The following NEGR1 variants were observed in gnomAD, a reference collection of about 807,000 sequenced individuals.
The protein encoded by NEGR1 is neuronal growth regulator 1.
In NEGR1, 10 loss-of-function variants were observed where a neutral mutation model predicts 40.9. That is an observed-to-expected ratio of 0.24 (90% CI 0.15 to 0.42). NEGR1 has a LOEUF of 0.42. NEGR1 is among the 10% of genes least tolerant of loss of function. The probability of loss-of-function intolerance (pLI) is 1.00; values close to 1 mark genes in which losing one functional copy is unlikely to be tolerated. For synonymous variants in NEGR1, 185 were observed against 166.8 expected, an observed-to-expected ratio of 1.11 and a Z score of -0.84; for missense variants, 352 against 438.9, an observed-to-expected ratio of 0.80 and a Z score of 1.77.
intron 2 of NEGR1, among the ~76,000 whole-genome samples, chr1:71,874,654 C>T (rs1306613099): frequency 1.3e-5 from 2 of 152,100 alleles, no homozygotes; most frequent in Non-Finnish European, 2.9e-5. Flanking sequence ...TTTGCTTTCA[C>T]TGAAGTGGGT....
intron 1 of NEGR1, among the ~76,000 whole-genome samples, chr1:72,157,034 C>T (rs1433995614): frequency 6.6e-6 from 1 of 152,068 alleles, no homozygotes; most frequent in Non-Finnish European, 1.5e-5. Flanking sequence ...ACAATCCTAG[C>T]TCATAAGAGC....
At chr1:71,552,491 A>C (rs998837337) in intron 6 of NEGR1, among the ~76,000 whole-genome samples, 1 of 148,378 alleles carries the variant, frequency 6.7e-6, no homozygotes, top group Non-Finnish European at 1.5e-5. Context: ...ATAATACATT[A>C]GAAGAATATA....
At position 71,793,033 on chromosome 1, in the gene NEGR1, T is replaced by C. The variant is rs926696984; in HGVS notation, c.410-16736A>G. Among the ~76,000 whole-genome samples, 18 of 151,286 alleles carry C rather than the reference T, an allele frequency of 1.2e-4. No individual in the cohort carries two copies. The Middle Eastern group carries it at 0.014, about 114-fold the overall frequency. On this transcript the variant is annotated intron_variant, in intron 2 of 6. Transcript: ENST00000357731. ...GAAGTGATGTGTGCTCTTTCCAGGA[T>C]TGGCTCACATAAACCTCCCAGGAGT... is the stretch of plus-strand genomic sequence containing the variant.
chr1:71,698,480 T>A (rs1273631309), intron 3 of NEGR1, among the ~76,000 whole-genome samples: 1 of 151,746 alleles, frequency 6.6e-6, no homozygotes, highest in African/African-American at 2.4e-5. Context: ...AATTCACTAA[T>A]ATGACTTGGT....
At chr1:71,511,626 C>T (rs1319903533) in intron 6 of NEGR1, among the ~76,000 whole-genome samples, 1 of 152,126 alleles carries the variant, frequency 6.6e-6, no homozygotes, top group Admixed American at 6.6e-5. Flanking sequence ...CTATGTAGAT[C>T]AATGTCAGGA....
At chr1:71,976,888 A>G (rs879439342) in intron 1 of NEGR1, among the ~76,000 whole-genome samples, 5 of 152,234 alleles carry the variant, frequency 3.3e-5, no homozygotes, top group Admixed American at 3.3e-4. Flanking sequence ...TAAATAATTT[A>G]AAAATAGTGA....
intron 1 of NEGR1, among the ~76,000 whole-genome samples, chr1:72,237,029 TTAA>T (rs1303744711): frequency 2.6e-5 from 4 of 151,988 alleles, no homozygotes; most frequent in African/African-American, 9.7e-5. Context: ...AATGTCTGCC[TTAA>T]TTATCGGAAT....
intron 1 of NEGR1, among the ~76,000 whole-genome samples, chr1:71,973,427 C>T (rs1646275641): frequency 6.6e-6 from 1 of 151,834 alleles, no homozygotes; most frequent in Non-Finnish European, 1.5e-5. Flanking sequence ...TGTGAGAGAT[C>T]AAATAATAAA....
chr1:71,764,966 G>A (rs1656071084), intron 3 of NEGR1, among the ~76,000 whole-genome samples: 1 of 151,890 alleles, frequency 6.6e-6, no homozygotes, highest in South Asian at 2.1e-4. Context: ...AACCAGTGAT[G>A]ACCAGCTCAG....
At chr1:71,824,019 T>C (rs1658529133) in intron 2 of NEGR1, among the ~76,000 whole-genome samples, 1 of 152,032 alleles carries the variant, frequency 6.6e-6, no homozygotes, top group South Asian at 2.1e-4. Flanking sequence ...TGAAATGAAA[T>C]GCAGTCTATT....
At chr1:72,219,267 T>C (rs1653931473) in intron 1 of NEGR1, among the ~76,000 whole-genome samples, 1 of 152,056 alleles carries the variant, frequency 6.6e-6, no homozygotes, top group Non-Finnish European at 1.5e-5. Context: ...TAGCTTTGAC[T>C]TGTTGCCATC....
At chr1:71,918,618 T>C (rs1366544935) in intron 2 of NEGR1, among the ~76,000 whole-genome samples, 2 of 152,144 alleles carry the variant, frequency 1.3e-5, no homozygotes, top group Non-Finnish European at 2.9e-5. Flanking sequence ...TTATGTTACC[T>C]TGAAAAACAC....
rs1040592462 is a variant in NEGR1, at chr1:71,632,817, G to A, written c.668-21671C>T. On this transcript the variant is annotated intron_variant, in intron 4 of 6. Transcript: ENST00000357731. ...TGACTGAACAGATGAATGAATTATA[G>A]TTTTCCTACTGTACAATCTGTTAAC... 4.0e-5 allele frequency among the ~76,000 whole-genome samples: 6 copies of A among 151,868 alleles called. No individual in the cohort carries two copies. In the East Asian group the frequency reaches 9.7e-4, roughly 25 times the overall value.
chr1:71,459,182 G>A (rs1424082212), intron 6 of NEGR1, among the ~76,000 whole-genome samples: 6 of 151,998 alleles, frequency 3.9e-5, no homozygotes, highest in South Asian at 4.1e-4. Flanking sequence ...ACTTGGGGAC[G>A]ACTTTTCTTC....
At chr1:71,797,422 C>A (rs1199203329) in intron 2 of NEGR1, among the ~76,000 whole-genome samples, 1 of 152,080 alleles carries the variant, frequency 6.6e-6, no homozygotes, top group African/African-American at 2.4e-5. Context: ...AAATCTAAGG[C>A]CACAGAATTT....
At position 72,202,190 on chromosome 1, in the gene NEGR1, T is replaced by C. The variant is rs552834201; in HGVS notation, c.176+80129A>G. On this transcript the variant is annotated intron_variant, in intron 1 of 6. Coordinates refer to ENST00000357731, the MANE Select transcript of NEGR1 (RefSeq NM_173808.3). ...TAGAGAATCATGAACCATGCTCATA[T>C]ATGACAGAAAACTTAATCGATAAAT... 4.7e-4 allele frequency among the ~76,000 whole-genome samples: 72 copies of C among 152,090 alleles called. 1 individual carries two copies. The highest frequency in any genetic ancestry group is 8.5e-4 in the Non-Finnish European group (58 of 67,936).
intron 6 of NEGR1, among the ~76,000 whole-genome samples, chr1:71,554,054 A>G (rs1648172495): frequency 6.6e-6 from 1 of 151,546 alleles, no homozygotes; most frequent in Admixed American, 6.6e-5. Context: ...AATACTTTTG[A>G]GAATTAAAAG....
chr1:72,214,669 C>A (rs1653732323), intron 1 of NEGR1, among the ~76,000 whole-genome samples: 1 of 151,950 alleles, frequency 6.6e-6, no homozygotes, highest in Non-Finnish European at 1.5e-5. Context: ...CATGAAGGAC[C>A]TCTTCAAGGA....
At chr1:71,875,103 T>C (rs796328183) in intron 2 of NEGR1, among the ~76,000 whole-genome samples, 17 of 152,270 alleles carry the variant, frequency 1.1e-4, no homozygotes, top group African/African-American at 3.8e-4. Context: ...CATCTCAGCC[T>C]TTCAAAGTGC....
Sources: gnomAD v4.1 joint callset for allele counts (sites outside exome capture counted in the v4.1 genomes callset) on GRCh38, gnomAD v4.1.1 for gene constraint, MANE v1.5 for transcripts, NCBI Gene and HGNC (gene_info 2026-07-23, HGNC 2026-07-21) for gene names.